The following GALNT11 variants were observed in gnomAD, a reference collection of about 807,000 sequenced individuals.
GALNT11 encodes polypeptide N-acetylgalactosaminyltransferase 11, also known as UDP-GalNAc:polypeptide N-acetylgalactosaminyltransferase 11.
A neutral mutation model predicts 72.7 loss-of-function variants in GALNT11; 47 were observed. The observed-to-expected ratio is 0.65, with a 90% confidence interval of 0.51 to 0.82. The LOEUF (loss-of-function observed/expected upper bound fraction) is 0.82, where lower values mean the gene tolerates loss of function less well. Among genes scored for constraint, GALNT11 ranks in the 40% least tolerant of loss-of-function variants. The probability of loss-of-function intolerance (pLI) is 0.00; values close to 1 mark genes in which losing one functional copy is unlikely to be tolerated. For missense variants in GALNT11, 677 were observed against 778.4 expected (o/e 0.87, Z 1.55); for synonymous variants, 270 against 286.6 (o/e 0.94, Z 0.58).
In GALNT11 at chr7:152,122,034, A is replaced by C. The variant is rs1260423669; in HGVS notation, c.*357A>C. 2.3e-5 allele frequency: 4 copies of C among 175,898 alleles called. No individual in the cohort carries two copies. Among genetic ancestry groups the C allele is most frequent in the African/African-American group, 9.5e-5 (4 of 42,250 alleles). The allele number at this position is 175,898 out of a possible 1,614,324, so 10.9% of individuals were successfully genotyped here. On this transcript the variant is annotated 3_prime_UTR_variant, in exon 12 of 12. Coordinates refer to ENST00000430044, the MANE Select transcript of GALNT11 (RefSeq NM_022087.4). ...CTTGTACAGAAGGATAAAACCCAGG[A>C]AAATGGATATTTCTATTCAGATTTA... is the stretch of plus-strand genomic sequence containing the variant.
intron 2 of GALNT11, among the ~76,000 whole-genome samples, chr7:152,099,888 C>T (rs1343916674): frequency 6.6e-6 from 1 of 150,844 alleles, no homozygotes; most frequent in African/African-American, 2.4e-5. Context: ...CCTCAGCCTC[C>T]TGAGTAGCCA....
At chr7:152,056,781 C>T (rs1370828569) in intron 1 of GALNT11, among the ~76,000 whole-genome samples, 1 of 152,034 alleles carries the variant, frequency 6.6e-6, no homozygotes, top group Admixed American at 6.6e-5. Context: ...GCATACAGAA[C>T]CCTGCACCTG....
chr7:152,088,237 T>G (rs2085777762), intron 1 of GALNT11, among the ~76,000 whole-genome samples: 1 of 152,234 alleles, frequency 6.6e-6, no homozygotes, highest in East Asian at 1.9e-4. Context: ...GAAAATGGTT[T>G]TGTTGTTTCA....
chr7:152,114,516 A>G (rs2088628186), intron 8 of GALNT11, among the ~76,000 whole-genome samples: 1 of 151,368 alleles, frequency 6.6e-6, no homozygotes, highest in African/African-American at 2.4e-5. Flanking sequence ...TGAACAGACC[A>G]CATTTTACTT....
intron 1 of GALNT11, among the ~76,000 whole-genome samples, chr7:152,026,145 G>C (rs2082002248): frequency 6.6e-6 from 1 of 152,168 alleles, no homozygotes; most frequent in Non-Finnish European, 1.5e-5. Flanking sequence ...TCGTTTTCGC[G>C]TATTTAGGAC....
chr7:152,057,672 C>CT (rs1479194962), intron 1 of GALNT11, among the ~76,000 whole-genome samples: 3 of 152,140 alleles, frequency 2.0e-5, no homozygotes, highest in African/African-American at 7.2e-5. Flanking sequence ...TTAAAATAAA[C>CT]TTTTAGTTTT....
rs540092078 is a variant in GALNT11, at chr7:152,045,212, A to G, written c.-39+19328A>G. ...AGTATTTTGTTGAGGATTTTTTTTT[A>G]TCAGTGTTCATCAGGGATACTGGCC... On this transcript the variant is annotated intron_variant, in intron 1 of 11. Coordinates refer to ENST00000430044, the MANE Select transcript of GALNT11 (RefSeq NM_022087.4). Among the ~76,000 whole-genome samples, 70 of 151,898 alleles carry G rather than the reference A, an allele frequency of 4.6e-4. 1 individual carries two copies. In the South Asian group the frequency reaches 0.014, roughly 30 times the overall value.
intron 2 of GALNT11, among the ~76,000 whole-genome samples, chr7:152,097,397 G>T (rs1162065589): frequency 6.6e-6 from 1 of 152,210 alleles, no homozygotes; most frequent in South Asian, 2.1e-4. Context: ...CTCACATGTT[G>T]CTGGTGGGAA....
At chr7:152,102,227 GA>G (rs1293414827) in intron 3 of GALNT11, among the ~76,000 whole-genome samples, 3 of 151,776 alleles carry the variant, frequency 2.0e-5, no homozygotes, top group African/African-American at 4.8e-5. Flanking sequence ...TTCCAAAAAA[GA>G]AAAAAAACCC....
intron 2 of GALNT11, among the ~76,000 whole-genome samples, chr7:152,097,048 A>G (rs530189897): frequency 3.4e-4 from 52 of 152,266 alleles, no homozygotes; most frequent in African/African-American, 1.3e-3. Context: ...AGCTGGTCTC[A>G]AACTCCTGGG....
chr7:152,087,412 T>C (rs1036579463), intron 1 of GALNT11, among the ~76,000 whole-genome samples: 8 of 152,138 alleles, frequency 5.3e-5, no homozygotes, highest in Non-Finnish European at 7.4e-5. Flanking sequence ...TGGAGTGTAA[T>C]TGAAATGTTT....
At chr7:152,113,185 C>A in intron 7 of GALNT11, 61 bp from the exon 8 acceptor site, 2 of 1,497,326 alleles carry the variant, frequency 1.3e-6, no homozygotes, top group Non-Finnish European at 1.8e-6. Flanking sequence ...ATTGAAAATT[C>A]ATACATTGGT....
At chr7:152,051,720 A>T (rs899374220) in intron 1 of GALNT11, among the ~76,000 whole-genome samples, 2 of 152,038 alleles carry the variant, frequency 1.3e-5, no homozygotes. Context: ...ATATTTTGAG[A>T]TCTACTCTGC....
At chr7:152,066,587 CA>C (rs1294656771) in intron 1 of GALNT11, among the ~76,000 whole-genome samples, 2 of 152,236 alleles carry the variant, frequency 1.3e-5, no homozygotes, top group African/African-American at 4.8e-5. Context: ...GAACCACCCC[CA>C]ATCACTTGTA....
At position 152,121,815 on chromosome 7, in the gene GALNT11, T is replaced by G. The variant is rs1347728864; in HGVS notation, c.*138T>G. ...AGTTCCCTGTCCTCCCGGAGATGCC[T>G]GGGTGTGTTAGCAGAGGTGACACGT... On this transcript the variant is annotated 3_prime_UTR_variant, in exon 12 of 12. Transcript: ENST00000430044. 4 of 1,126,552 alleles carry G rather than the reference T, an allele frequency of 3.6e-6. No individual in the cohort carries two copies. The highest frequency in any genetic ancestry group is 1.6e-5 in the African/African-American group (1 of 63,882). 69.8% of individuals were successfully genotyped at this position (1,126,552 alleles called of 1,614,324 possible).
intron 1 of GALNT11, among the ~76,000 whole-genome samples, chr7:152,089,045 A>G (rs2085833395): frequency 6.6e-6 from 1 of 152,174 alleles, no homozygotes; most frequent in Admixed American, 6.5e-5. Context: ...CATTCATGTG[A>G]AGCTGGCCCA....
chr7:152,115,778 C>T (rs140880055), intron 8 of GALNT11, among the ~76,000 whole-genome samples: 13 of 152,306 alleles, frequency 8.5e-5, no homozygotes, highest in Admixed American at 1.3e-4. Context: ...TTTACTTGGC[C>T]GGGTGCGGTG....
intron 1 of GALNT11, among the ~76,000 whole-genome samples, chr7:152,080,075 G>A (rs1055531180): frequency 2.0e-5 from 3 of 152,148 alleles, no homozygotes; most frequent in African/African-American, 7.2e-5. Flanking sequence ...GACATTAAAA[G>A]GTGGTTAAGA....
At chr7:152,110,709 C>A in intron 7 of GALNT11, 64 bp downstream of exon 7, 1 of 1,165,270 alleles carries the variant, frequency 8.6e-7, no homozygotes, top group South Asian at 1.4e-5. Flanking sequence ...CATCCATGAT[C>A]TCATATTTTC....
Sources: gnomAD v4.1 joint callset for allele counts (sites outside exome capture counted in the v4.1 genomes callset) on GRCh38, gnomAD v4.1.1 for gene constraint, MANE v1.5 for transcripts, NCBI Gene and HGNC (gene_info 2026-07-23, HGNC 2026-07-21) for gene names.